Variants in ZIC4 observed in about 807,000 individuals in gnomAD.
ZIC4 encodes the protein zinc finger protein ZIC 4.
Under a neutral mutation model 28.8 loss-of-function variants are expected in ZIC4, and 15 were observed. The ratio of observed to expected loss-of-function variants is 0.52; its 90% CI spans 0.35 to 0.80. ZIC4 has a LOEUF of 0.80. ZIC4 is among the 30% of genes least tolerant of loss of function. The pLI is 0.01. For missense variants in ZIC4, 512 were observed against 467.1 expected, an observed-to-expected ratio of 1.10 and a Z score of -0.89; for synonymous variants, 220 against 198.1, an observed-to-expected ratio of 1.11 and a Z score of -0.93.
intron 1 of ZIC4, among the ~76,000 whole-genome samples, chr3:147,403,234 G>A (rs1404134037): frequency 6.6e-6 from 1 of 152,126 alleles, no homozygotes; most frequent in Non-Finnish European, 1.5e-5. Flanking sequence ...TGAACTCTGA[G>A]AGGTTAGCAG....
At chr3:147,391,883 G>A (rs2086929624) in intron 3 of ZIC4, 2 of 826,514 alleles carry the variant, frequency 2.4e-6, no homozygotes, top group East Asian at 1.3e-4. Flanking sequence ...ATTCACTTCA[G>A]AAGAGATTTT....
intron 3 of ZIC4, chr3:147,393,908 G>C (rs2086982344): frequency 2.2e-6 from 1 of 456,610 alleles, no homozygotes; most frequent in Non-Finnish European, 4.4e-6. Flanking sequence ...CTTTCGGTGC[G>C]GACAGTCGCC....
chr3:147,394,542 C>T (rs1029189633), intron 3 of ZIC4, among the ~76,000 whole-genome samples: 2 of 151,844 alleles, frequency 1.3e-5, no homozygotes, highest in Non-Finnish European at 2.9e-5. Flanking sequence ...GTCTACCTTC[C>T]GGGTGTCCGC....
At position 147,395,841 on chromosome 3, in the gene ZIC4, C is replaced by G; in HGVS notation, c.688+11G>C. 1 of 1,602,038 alleles carries G rather than the reference C, an allele frequency of 6.2e-7. No homozygotes were observed. Among genetic ancestry groups the G allele is most frequent in the Non-Finnish European group, 8.5e-7 (1 of 1,172,166 alleles). On this transcript the variant is annotated intron_variant, in intron 3 of 4. Transcript: ENST00000383075. ...AGGGTCCGCACGCGACAGACAGCGC[C>G]GAATACTGACCTGTGTGAGTTCGTT...
chr3:147,395,365 C>A (rs2087016690), intron 3 of ZIC4, among the ~76,000 whole-genome samples: 2 of 152,122 alleles, frequency 1.3e-5, no homozygotes, highest in African/African-American at 2.4e-5. Flanking sequence ...AAAATACGTA[C>A]AAAGTTAGCC....
At position 147,402,814 on chromosome 3, in the gene ZIC4, T is replaced by C; in HGVS notation, c.-15-2A>G. On this transcript the variant is annotated splice_acceptor_variant, in intron 1 of 4. Coordinates refer to ENST00000383075, the MANE Select transcript of ZIC4 (RefSeq NM_032153.6). LOFTEE classifies it low-confidence loss of function (5UTR_SPLICE). Reference sequence around the variant, plus strand: ...GTATCTCATTTTCTGACTTTGAGCCTGTTTGGGAAGAAAAGAGTGACAGTC... The same window carrying C: ...GTATCTCATTTTCTGACTTTGAGCCCGTTTGGGAAGAAAAGAGTGACAGTC... 6.2e-7 allele frequency: 1 copy of C among 1,613,206 alleles called. No homozygotes were observed. The highest frequency in any genetic ancestry group is 8.5e-7 in the Non-Finnish European group (1 of 1,179,668).
chr3:147,394,480 A>C (rs908360617), intron 3 of ZIC4, among the ~76,000 whole-genome samples: 18 of 151,742 alleles, frequency 1.2e-4, no homozygotes, highest in African/African-American at 4.1e-4. Flanking sequence ...AAAAAAAAAA[A>C]AAAAAAACCC....
chr3:147,404,423 C>G, intron 1 of ZIC4: 1 of 472,306 alleles, frequency 2.1e-6, no homozygotes, highest in Non-Finnish European at 2.9e-6. Flanking sequence ...ACACAGGGAA[C>G]TAGGGTAAAC....
At chr3:147,405,869 A>C in intron 1 of ZIC4, 3 of 247,918 alleles carry the variant, frequency 1.2e-5, no homozygotes, top group Non-Finnish European at 1.6e-5. Flanking sequence ...GGAAGCAGAG[A>C]CTCTCCTAGC....
At chr3:147,398,685 C>T (rs964220995) in intron 2 of ZIC4, among the ~76,000 whole-genome samples, 1 of 151,998 alleles carries the variant, frequency 6.6e-6, no homozygotes, top group African/African-American at 2.4e-5. Flanking sequence ...AAAAAGTGTC[C>T]CCCAAACAGA....
intron 3 of ZIC4, among the ~76,000 whole-genome samples, chr3:147,394,121 T>C (rs1291940221): frequency 1.4e-5 from 2 of 145,102 alleles, no homozygotes; most frequent in South Asian, 2.2e-4. Context: ...TTTTTCCCTC[T>C]CTCTCTCTCT....
intron 3 of ZIC4, chr3:147,393,682 T>A: frequency 3.4e-6 from 1 of 290,708 alleles, no homozygotes; most frequent in South Asian, 2.7e-5. Flanking sequence ...TCCCGGCGAC[T>A]GCGCCCCGGC....
chr3:147,392,361 A>G, intron 3 of ZIC4: 1 of 985,500 alleles, frequency 1.0e-6, no homozygotes. Flanking sequence ...AGCCGAGGGA[A>G]GGCGCGAGTG....
At chr3:147,393,948 G>A (rs1043737859) in intron 3 of ZIC4, 4 of 456,608 alleles carry the variant, frequency 8.8e-6, no homozygotes, top group African/African-American at 8.0e-5. Flanking sequence ...TTCAGGTCAG[G>A]GAGAATCTCA....
chr3:147,401,664 C>T (rs1012925457), intron 2 of ZIC4, among the ~76,000 whole-genome samples: 1 of 152,128 alleles, frequency 6.6e-6, no homozygotes, highest in Non-Finnish European at 1.5e-5. Context: ...GGAGGCCATC[C>T]GTATTTCTAA....
intron 1 of ZIC4, chr3:147,403,704 C>A: frequency 3.1e-6 from 1 of 325,504 alleles, no homozygotes; most frequent in Non-Finnish European, 5.6e-6. Context: ...AGGTCTCAGG[C>A]TGGACAAACA....
At position 147,391,252 on chromosome 3, in the gene ZIC4, G is replaced by A. The variant is rs1252158882; in HGVS notation, c.689-6C>T. 2 of 1,573,046 alleles carry A rather than the reference G, an allele frequency of 1.3e-6. No homozygotes were observed. Among genetic ancestry groups the A allele is most frequent in the African/African-American group, 1.3e-5 (1 of 74,458 alleles). ...GCATCTGAAGGGCTTCTCGCCTGGC[G>A]GAGGCAACGCAGAGACATTAGTGCT... On this transcript the variant is annotated splice_region_variant and splice_polypyrimidine_tract_variant and intron_variant, in intron 3 of 4. Coordinates refer to ENST00000383075, the MANE Select transcript of ZIC4 (RefSeq NM_032153.6).
intron 2 of ZIC4, 26 bp downstream of exon 2, chr3:147,402,702 A>G (rs369153033): frequency 1.6e-5 from 25 of 1,574,618 alleles, no homozygotes; most frequent in African/African-American, 1.4e-4. Flanking sequence ...CAGCAAACCA[A>G]TATTCAAAGG....
At position 147,396,292 on chromosome 3, in the gene ZIC4, G is replaced by T. The variant is rs182356616; in HGVS notation, c.248C>A (p.Ala83Glu). 101 of 1,606,052 alleles carry T rather than the reference G, an allele frequency of 6.3e-5. 1 individual carries two copies. In the South Asian group the frequency reaches 1.1e-3, roughly 18 times the overall value. The change falls in exon 3 of 5, where the codon GCG becomes GAG. Residue 83 changes from alanine (A) to glutamate (E), a missense_variant. By Grantham distance (107) the Ala-to-Glu change is moderately radical (BLOSUM62 -1). Coordinates refer to ENST00000383075, the MANE Select transcript of ZIC4 (RefSeq NM_032153.6). The surrounding 1 kb of genome is among the most constrained non-coding windows in gnomAD (Gnocchi z 4.2). ...AGCTGCCAGGGCGTCGCTGCGGGCCGCAGGCCCTGGCGGGAAGGGCTCCGG... is the reference window on the plus strand; with the variant it reads ...AGCTGCCAGGGCGTCGCTGCGGGCCTCAGGCCCTGGCGGGAAGGGCTCCGG... ...ARPEPFPPGP[A>E]ARSDALAAAA...
Sources: gnomAD v4.1 joint callset for allele counts (sites outside exome capture counted in the v4.1 genomes callset) on GRCh38, gnomAD v4.1.1 for gene constraint, Gnocchi (gnomAD v3.1) non-coding constraint, MANE v1.5 for transcripts, NCBI Gene and HGNC (gene_info 2026-07-23, HGNC 2026-07-21) for gene names.